Variants in IQCJ observed in about 807,000 individuals in gnomAD.
IQCJ encodes the protein IQ motif containing J, also known as IQ domain-containing protein J.
Under a neutral mutation model 11.0 loss-of-function variants are expected in IQCJ, and 9 were observed. That is an observed-to-expected ratio of 0.82 (90% CI 0.49 to 1.43). The LOEUF is 1.43. Ranked by LOEUF, IQCJ falls within the 40% of genes most tolerant of loss-of-function variation. IQCJ has a pLI of 0.00. For synonymous variants in IQCJ, 55 were observed against 51.3 expected, an observed-to-expected ratio of 1.07 and a Z score of -0.31; for missense variants, 146 against 133.2, an observed-to-expected ratio of 1.10 and a Z score of -0.47.
In IQCJ at chr3:159,148,144, T is replaced by A. The variant is rs551879895; in HGVS notation, c.9+78703T>A. ...TAGATTGCCTGGCTGTACTGATATA[T>A]GTACTTTATTCCTCACTTAATGTTT... On this transcript the variant is annotated intron_variant, in intron 1 of 3. Transcript: ENST00000397832. 2.6e-5 allele frequency among the ~76,000 whole-genome samples: 4 copies of A among 152,378 alleles called. No homozygotes were observed. In the East Asian group the frequency reaches 5.8e-4, roughly 22 times the overall value.
intron 1 of IQCJ, among the ~76,000 whole-genome samples, chr3:159,138,250 A>C (rs976464526): frequency 6.6e-6 from 1 of 152,132 alleles, no homozygotes; most frequent in Admixed American, 6.6e-5. Context: ...CCACTAAAAC[A>C]CTGGCAGTCA....
chr3:159,091,583 A>G (rs980548793), intron 1 of IQCJ, among the ~76,000 whole-genome samples: 15 of 151,398 alleles, frequency 9.9e-5, no homozygotes, highest in Non-Finnish European at 7.4e-5. Flanking sequence ...ACAAACATTC[A>G]GACCATAGCA....
chr3:159,183,543 C>G (rs1379329805), intron 1 of IQCJ, among the ~76,000 whole-genome samples: 1 of 152,180 alleles, frequency 6.6e-6, no homozygotes, highest in African/African-American at 2.4e-5. Context: ...GCTCCAGACT[C>G]TCACAGCCAA....
At chr3:159,114,796 C>T (rs1393983698) in intron 1 of IQCJ, among the ~76,000 whole-genome samples, 1 of 152,174 alleles carries the variant, frequency 6.6e-6, no homozygotes, top group Non-Finnish European at 1.5e-5. Flanking sequence ...AAACAATACC[C>T]CCTTCTCTTA....
intron 1 of IQCJ, among the ~76,000 whole-genome samples, chr3:159,184,491 T>G (rs542454673): frequency 6.6e-6 from 1 of 152,330 alleles, no homozygotes; most frequent in South Asian, 2.1e-4. Context: ...CTCTCTCAAT[T>G]AAAATGTAAA....
chr3:159,136,087 G>A (rs1720274937), intron 1 of IQCJ, among the ~76,000 whole-genome samples: 1 of 152,170 alleles, frequency 6.6e-6, no homozygotes, highest in Non-Finnish European at 1.5e-5. Context: ...TGGCTGGAGT[G>A]AGAATTTGAA....
intron 1 of IQCJ, among the ~76,000 whole-genome samples, chr3:159,075,741 T>C (rs1715870857): frequency 1.3e-5 from 2 of 152,150 alleles, no homozygotes; most frequent in Admixed American, 1.3e-4. Flanking sequence ...GCGATCTGTA[T>C]GGACGATGTT....
intron 1 of IQCJ, among the ~76,000 whole-genome samples, chr3:159,228,279 T>C (rs555307845): frequency 1.4e-4 from 22 of 152,328 alleles, no homozygotes; most frequent in African/African-American, 5.1e-4. Context: ...GCTTTCTTTC[T>C]GAACATGCTG....
At chr3:159,111,404 A>AG (rs1295160845) in intron 1 of IQCJ, among the ~76,000 whole-genome samples, 1 of 152,196 alleles carries the variant, frequency 6.6e-6, no homozygotes, top group African/African-American at 2.4e-5. Flanking sequence ...GATGAAAAAA[A>AG]AACTTGAAAT....
intron 1 of IQCJ, among the ~76,000 whole-genome samples, chr3:159,127,091 T>C (rs1719719354): frequency 6.6e-6 from 1 of 152,176 alleles, no homozygotes; most frequent in Non-Finnish European, 1.5e-5. Flanking sequence ...GCTGACAGGT[T>C]TCTATTAATT....
intron 3 of IQCJ, among the ~76,000 whole-genome samples, chr3:159,258,114 T>G (rs921990648): frequency 2.8e-4 from 43 of 152,210 alleles, no homozygotes; most frequent in African/African-American, 9.4e-4. Context: ...GCATCTGTCT[T>G]TCTTCTTCTA....
At chr3:159,202,196 C>G (rs2108069320) in intron 1 of IQCJ, among the ~76,000 whole-genome samples, 1 of 152,258 alleles carries the variant, frequency 6.6e-6, no homozygotes, top group South Asian at 2.1e-4. Context: ...ACTTTAAAGG[C>G]TCTTTAAGAT....
At chr3:159,165,245 T>C (rs1219258433) in intron 1 of IQCJ, among the ~76,000 whole-genome samples, 2 of 152,204 alleles carry the variant, frequency 1.3e-5, no homozygotes, top group Admixed American at 6.5e-5. Context: ...AATAAATGTC[T>C]TGAATGTTCT....
At chr3:159,103,487 G>A (rs949316390) in intron 1 of IQCJ, among the ~76,000 whole-genome samples, 5 of 152,154 alleles carry the variant, frequency 3.3e-5, no homozygotes, top group South Asian at 2.1e-4. Context: ...TGAATTAAGG[G>A]TATTTTAGGA....
chr3:159,087,247 C>CT (rs1716851075), intron 1 of IQCJ, among the ~76,000 whole-genome samples: 7 of 151,926 alleles, frequency 4.6e-5, no homozygotes. Context: ...TTGAACCAGC[C>CT]TTGCATCCCA....
intron 1 of IQCJ, among the ~76,000 whole-genome samples, chr3:159,147,018 T>C (rs1458041345): frequency 6.6e-6 from 1 of 152,260 alleles, no homozygotes; most frequent in Non-Finnish European, 1.5e-5. Flanking sequence ...TCAGCATCTA[T>C]GAATTAAGTC....
intron 1 of IQCJ, among the ~76,000 whole-genome samples, chr3:159,130,588 T>C (rs943698267): frequency 3.9e-5 from 6 of 152,186 alleles, no homozygotes; most frequent in Non-Finnish European, 7.3e-5. Context: ...GAGGAGAAGA[T>C]GAAATAAAAT....
At chr3:159,142,729 CTTTTA>C (rs981200369) in intron 1 of IQCJ, among the ~76,000 whole-genome samples, 1 of 152,116 alleles carries the variant, frequency 6.6e-6, no homozygotes, top group African/African-American at 2.4e-5. Context: ...GGGGGCAGGT[CTTTTA>C]TTTTATTTTA....
downstream of IQCJ, chr3:159,265,327 T>C: frequency 1.2e-6 from 2 of 1,613,896 alleles, no homozygotes; most frequent in South Asian, 1.1e-5. Context: ...CTTGACCAGC[T>C]TGCCAGACCC....
Sources: gnomAD v4.1 joint callset for allele counts (sites outside exome capture counted in the v4.1 genomes callset) on GRCh38, gnomAD v4.1.1 for gene constraint, MANE v1.5 for transcripts, NCBI Gene and HGNC (gene_info 2026-07-23, HGNC 2026-07-21) for gene names.